The following VWC2L variants were observed in gnomAD, a reference collection of about 807,000 sequenced individuals.
VWC2L encodes the protein von Willebrand factor C domain-containing protein 2-like.
Under a neutral mutation model 21.6 loss-of-function variants are expected in VWC2L, and 10 were observed. The observed-to-expected ratio is 0.46, with a 90% CI of 0.29 to 0.78. The LOEUF (loss-of-function observed/expected upper bound fraction) is 0.78, where lower values mean the gene tolerates loss of function less well. Ranked by LOEUF, VWC2L falls within the 30% of genes least tolerant of loss-of-function variation. The pLI, the probability that VWC2L is intolerant of heterozygous loss-of-function variation, is 0.10. For synonymous variants in VWC2L, 96 were observed against 94.3 expected (o/e 1.02, Z -0.10); for missense variants, 209 against 277.1 (o/e 0.75, Z 1.74).
chr2:214,452,657 T>TA (rs1702992831), intron 3 of VWC2L, among the ~76,000 whole-genome samples: 1 of 152,178 alleles, frequency 6.6e-6, no homozygotes, highest in Admixed American at 6.5e-5. Context: ...AACTTTTTTT[T>TA]AATGCCAAAG....
intron 3 of VWC2L, among the ~76,000 whole-genome samples, chr2:214,461,807 G>C (rs932550421): frequency 2.0e-5 from 3 of 152,188 alleles, no homozygotes; most frequent in Non-Finnish European, 2.9e-5. Flanking sequence ...GGCAGCAGTG[G>C]CGGTATGTGG....
intron 3 of VWC2L, among the ~76,000 whole-genome samples, chr2:214,468,549 A>G (rs1337682070): frequency 2.0e-5 from 3 of 152,204 alleles, no homozygotes; most frequent in African/African-American, 7.2e-5. Flanking sequence ...GACTACCTTA[A>G]AAATATTAGC....
rs373162300 is a variant in VWC2L, at chr2:214,578,161, T to C, written c.*2341T>C. The stretch of plus-strand genomic sequence containing the variant: ...ATAATAATAAATGACAGGAATAAGG[T>C]TTGAAACTCAGAAAATATCATTAAT... On this transcript the variant is annotated 3_prime_UTR_variant, in exon 4 of 4. Coordinates refer to ENST00000312504, the MANE Select transcript of VWC2L (RefSeq NM_001080500.4). 5.9e-5 allele frequency: 9 copies of C among 152,100 alleles called. No individual in the cohort carries two copies. Among genetic ancestry groups the C allele is most frequent in the Admixed American group, 1.3e-4 (2 of 15,262 alleles). 9.4% of individuals were successfully genotyped at this position (152,100 alleles called of 1,614,324 possible). A position where few individuals can be genotyped will look rare whatever the true frequency, so the allele number is the denominator to read the frequency against.
intron 3 of VWC2L, among the ~76,000 whole-genome samples, chr2:214,501,581 G>A (rs998848409): frequency 6.6e-6 from 1 of 152,170 alleles, no homozygotes; most frequent in Admixed American, 6.5e-5. Context: ...AATTAGCAGG[G>A]CATGGTGGTG....
chr2:214,474,921 C>G (rs1194959536), intron 3 of VWC2L, among the ~76,000 whole-genome samples: 1 of 152,046 alleles, frequency 6.6e-6, no homozygotes, highest in South Asian at 2.1e-4. Flanking sequence ...TGTGGTTATC[C>G]AAAAAGTAAT....
intron 3 of VWC2L, among the ~76,000 whole-genome samples, chr2:214,511,933 C>T (rs1182076459): frequency 2.0e-4 from 30 of 149,930 alleles, no homozygotes; most frequent in Middle Eastern, 3.5e-3. Flanking sequence ...CACACACACA[C>T]ACACACACAC....
At chr2:214,520,156 T>G (rs1368674742) in intron 3 of VWC2L, among the ~76,000 whole-genome samples, 1 of 151,612 alleles carries the variant, frequency 6.6e-6, no homozygotes. Flanking sequence ...AATGAATATA[T>G]AATCCCACCA....
At chr2:214,572,703 T>C (rs1217580114) in intron 3 of VWC2L, among the ~76,000 whole-genome samples, 1 of 152,144 alleles carries the variant, frequency 6.6e-6, no homozygotes, top group Non-Finnish European at 1.5e-5. Context: ...ATTATCTAAA[T>C]TACTTTTAAG....
rs751144782 is a variant in VWC2L, at chr2:214,575,730, C to T, written c.579C>T (p.Asp193=). 8.7e-6 allele frequency: 14 copies of T among 1,613,432 alleles called. No individual in the cohort carries two copies. Among genetic ancestry groups the T allele is most frequent in the East Asian group, 2.2e-5 (1 of 44,868 alleles). The change falls in exon 4 of 4, where the codon GAC becomes GAT. Residue 193 remains aspartate (D), a synonymous_variant. Coordinates refer to ENST00000312504, the MANE Select transcript of VWC2L (RefSeq NM_001080500.4). ...IIPAGIEVKV[D]ECNICHCHNG... is the part of the protein sequence containing the mutation. ...CAGCTGGCATTGAAGTGAAAGTGGA[C>T]GAATGTAACATCTGTCATTGTCACA... is the stretch of plus-strand genomic sequence containing the variant.
intron 3 of VWC2L, among the ~76,000 whole-genome samples, chr2:214,563,364 G>T (rs1006578085): frequency 6.6e-6 from 1 of 151,668 alleles, no homozygotes; most frequent in South Asian, 2.1e-4. Context: ...TGGCTAACAC[G>T]GTGAAACCCC....
At chr2:214,479,599 G>A (rs752064819) in intron 3 of VWC2L, among the ~76,000 whole-genome samples, 7 of 152,074 alleles carry the variant, frequency 4.6e-5, no homozygotes, top group Admixed American at 1.3e-4. Flanking sequence ...GAGGTCAAGC[G>A]TTCAAGACCA....
chr2:214,535,019 C>T (rs187541120), intron 3 of VWC2L, among the ~76,000 whole-genome samples: 2 of 152,042 alleles, frequency 1.3e-5, no homozygotes, highest in East Asian at 3.9e-4. Context: ...ACTGCAAAAA[C>T]GGATAGGCGG....
intron 3 of VWC2L, chr2:214,534,291 C>T (rs1239866370): frequency 1.3e-5 from 2 of 152,514 alleles, no homozygotes; most frequent in Non-Finnish European, 2.9e-5. Context: ...GGCCTGGGTG[C>T]TATGCATTTT....
chr2:214,432,390 G>A (rs114061831), intron 2 of VWC2L, among the ~76,000 whole-genome samples: 36 of 152,288 alleles, frequency 2.4e-4, no homozygotes, highest in Non-Finnish European at 4.0e-4. Context: ...TTGACATGAT[G>A]GACAGAGAAG....
chr2:214,548,406 T>C (rs912912968), intron 3 of VWC2L, among the ~76,000 whole-genome samples: 13 of 152,222 alleles, frequency 8.5e-5, no homozygotes, highest in Non-Finnish European at 1.8e-4. Flanking sequence ...TTTCTGAATA[T>C]AAACAGTGCA....
At chr2:214,555,998 A>G (rs1182230762) in intron 3 of VWC2L, among the ~76,000 whole-genome samples, 4 of 152,236 alleles carry the variant, frequency 2.6e-5, no homozygotes, top group Non-Finnish European at 5.9e-5. Context: ...CTGAGACAAA[A>G]TAGCACCTCC....
intron 3 of VWC2L, among the ~76,000 whole-genome samples, chr2:214,516,155 G>A (rs1689139614): frequency 6.6e-6 from 1 of 151,904 alleles, no homozygotes. Context: ...GCCATACGGG[G>A]AGTATTTACA....
At chr2:214,561,794 A>ATT in intron 3 of VWC2L, among the ~76,000 whole-genome samples, 1 of 8,758 alleles carries the variant, frequency 1.1e-4, no homozygotes, top group South Asian at 0.016. Context: ...TTATATATAT[A>ATT]TATATATATA....
intron 3 of VWC2L, among the ~76,000 whole-genome samples, chr2:214,516,656 TAAA>T (rs11344455): frequency 2.1e-5 from 3 of 143,556 alleles, no homozygotes; most frequent in East Asian, 2.0e-4. Context: ...CTTTTGAAAT[TAAA>T]AAAAAAAAAA....
Sources: allele counts gnomAD v4.1 joint callset (sites outside exome capture counted in the v4.1 genomes callset), GRCh38; gene constraint gnomAD v4.1.1; transcripts MANE v1.5; gene names NCBI Gene and HGNC (gene_info 2026-07-23, HGNC 2026-07-21).